The following ANXA8 variants were observed in gnomAD, a reference collection of about 807,000 sequenced individuals.
ANXA8 encodes the protein annexin A8, also known as VAC-beta.
A neutral mutation model predicts 26.8 loss-of-function variants in ANXA8; 9 were observed. The observed-to-expected ratio is 0.34, with a 90% CI of 0.20 to 0.59. The LOEUF (loss-of-function observed/expected upper bound fraction) is 0.59. ANXA8 is among the 20% of genes least tolerant of loss of function. ANXA8 has a pLI of 0.84. For missense variants in ANXA8, 83 were observed against 238.5 expected (o/e 0.35, Z 4.29); for synonymous variants, 39 against 94.8 (o/e 0.41, Z 3.42).
At chr10:47,955,522 G>T in the ANXA8 span, among the ~76,000 whole-genome samples, 2 of 150,062 alleles carry the variant, frequency 1.3e-5, no homozygotes, top group Non-Finnish European at 3.0e-5. Flanking sequence ...GCATGTGACT[G>T]TACTGAATAC....
the ANXA8 span, among the ~76,000 whole-genome samples, chr10:47,975,478 G>T: frequency 6.8e-6 from 1 of 147,930 alleles, no homozygotes; most frequent in Non-Finnish European, 1.5e-5. Flanking sequence ...TCACTGTATT[G>T]TGTTCTGGTC....
At chr10:47,656,404 C>A in the ANXA8 span, among the ~76,000 whole-genome samples, 13 of 148,412 alleles carry the variant, frequency 8.8e-5, no homozygotes, top group East Asian at 3.9e-4. Context: ...TCTCAAAAAA[C>A]CCAAAAAAAA....
At chr10:47,967,196 C>T in the ANXA8 span, among the ~76,000 whole-genome samples, 2 of 149,896 alleles carry the variant, frequency 1.3e-5, no homozygotes, top group African/African-American at 4.9e-5. Context: ...CCTCCCCAGT[C>T]CTGGCCTCAC....
At chr10:47,749,266 C>T in the ANXA8 span, among the ~76,000 whole-genome samples, 2 of 124,310 alleles carry the variant, frequency 1.6e-5, no homozygotes, top group Non-Finnish European at 3.4e-5. Flanking sequence ...ACAAAAAAAC[C>T]TGAGAAAATT....
the ANXA8 span, among the ~76,000 whole-genome samples, chr10:47,989,374 G>A: frequency 3.4e-5 from 4 of 116,780 alleles, no homozygotes; most frequent in African/African-American, 8.8e-5. Context: ...CTGTGTAACC[G>A]CATCCCTGAG....
chr10:47,652,456 G>A, the ANXA8 span, among the ~76,000 whole-genome samples: 2 of 151,330 alleles, frequency 1.3e-5, no homozygotes, highest in African/African-American at 4.9e-5. Flanking sequence ...AATTGGCTGG[G>A]CGTGTTGGTA....
the ANXA8 span, among the ~76,000 whole-genome samples, chr10:47,572,260 A>G: frequency 6.8e-6 from 1 of 146,950 alleles, no homozygotes; most frequent in Non-Finnish European, 1.5e-5. Context: ...TCACCTATGT[A>G]AAGTTCTGCA....
chr10:47,937,899 A>G, the ANXA8 span, among the ~76,000 whole-genome samples: 1 of 135,124 alleles, frequency 7.4e-6, no homozygotes, highest in South Asian at 2.4e-4. Flanking sequence ...GTGTATATGT[A>G]CCACATCTTC....
At chr10:47,684,528 G>C in the ANXA8 span, among the ~76,000 whole-genome samples, 3 of 152,036 alleles carry the variant, frequency 2.0e-5, no homozygotes, top group South Asian at 6.2e-4. Flanking sequence ...TGTGGTCCAG[G>C]ATGGCTTTAA....
At chr10:47,558,901 A>G in the ANXA8 span, among the ~76,000 whole-genome samples, 1 of 151,352 alleles carries the variant, frequency 6.6e-6, no homozygotes, top group African/African-American at 2.4e-5. Context: ...TTCATTTTGG[A>G]TTAAATATTT....
chr10:47,499,121 A>C, the ANXA8 span, among the ~76,000 whole-genome samples: 29 of 135,060 alleles, frequency 2.1e-4, 1 homozygote, highest in East Asian at 3.7e-3. Context: ...AAAATAAAAA[A>C]TAATTTTTTT....
chr10:47,597,977 C>A, the ANXA8 span, among the ~76,000 whole-genome samples: 1 of 112,754 alleles, frequency 8.9e-6, no homozygotes, highest in East Asian at 2.5e-4. Flanking sequence ...GCTAAAAGAA[C>A]AAAGGCAGGG....
the ANXA8 span, among the ~76,000 whole-genome samples, chr10:47,942,282 C>A: frequency 1.4e-5 from 2 of 145,996 alleles, no homozygotes; most frequent in African/African-American, 2.7e-5. Context: ...TTGAGTCATT[C>A]CTGTAAGAGA....
the ANXA8 span, among the ~76,000 whole-genome samples, chr10:47,638,728 GC>G: frequency 1.3e-5 from 1 of 78,596 alleles, no homozygotes; most frequent in Admixed American, 1.4e-4. Context: ...CTTTACACTT[GC>G]CCTGCAACAT....
the ANXA8 span, among the ~76,000 whole-genome samples, chr10:47,703,717 A>G: frequency 5.3e-5 from 8 of 151,386 alleles, no homozygotes; most frequent in African/African-American, 1.9e-4. Flanking sequence ...CATAGTCTCA[A>G]AGTATCTCCC....
At chr10:47,563,609 C>T in the ANXA8 span, 5 of 881,706 alleles carry the variant, frequency 5.7e-6, no homozygotes, top group Non-Finnish European at 9.8e-6. Context: ...ACCAGGTATC[C>T]GTTATAGCAC....
At chr10:47,683,447 C>T in the ANXA8 span, among the ~76,000 whole-genome samples, 2 of 151,856 alleles carry the variant, frequency 1.3e-5, no homozygotes, top group African/African-American at 2.4e-5. Context: ...CCAGGATGGC[C>T]TCGATCTCCT....
the ANXA8 span, among the ~76,000 whole-genome samples, chr10:47,713,026 TC>T: frequency 6.6e-6 from 1 of 152,286 alleles, no homozygotes; most frequent in Non-Finnish European, 1.5e-5. Context: ...ACTCCTGATC[TC>T]AGGTGATTCA....
chr10:47,510,486 C>T, the ANXA8 span, among the ~76,000 whole-genome samples: 1 of 133,712 alleles, frequency 7.5e-6, no homozygotes, highest in Non-Finnish European at 1.6e-5. Flanking sequence ...AATATGGTAC[C>T]TGTCATCAAA....
Sources: allele counts gnomAD v4.1 joint callset (sites outside exome capture counted in the v4.1 genomes callset), GRCh38; gene constraint gnomAD v4.1.1; transcripts MANE v1.5; gene names NCBI Gene and HGNC (gene_info 2026-07-23, HGNC 2026-07-21).